MRE11: variants seen among roughly 807,000 people sequenced by gnomAD.
MRE11 encodes double-strand break repair protein MRE11.
MRE11 carries 62 observed loss-of-function variants against 91.7 expected under a neutral mutation model. The ratio of observed to expected loss-of-function variants is 0.68; its 90% CI spans 0.55 to 0.84. The LOEUF (loss-of-function observed/expected upper bound fraction) is 0.84. MRE11 is among the 40% of genes least tolerant of loss of function. The pLI, the probability that MRE11 is intolerant of heterozygous loss-of-function variation, is 0.00. For synonymous variants in MRE11, 273 were observed against 271.4 expected, an observed-to-expected ratio of 1.01 and a Z score of -0.06; for missense variants, 796 against 852.9, an observed-to-expected ratio of 0.93 and a Z score of 0.83.
At chr11:94,420,664 C>CA (rs1591622020) in intron 19 of MRE11, among the ~76,000 whole-genome samples, 3 of 152,110 alleles carry the variant, frequency 2.0e-5, no homozygotes, top group Non-Finnish European at 4.4e-5. Flanking sequence ...CACACTTATG[C>CA]AAAAAACAAC....
At chr11:94,426,504 T>A (rs1417290050) in intron 19 of MRE11, among the ~76,000 whole-genome samples, 1 of 149,476 alleles carries the variant, frequency 6.7e-6, no homozygotes. Context: ...CTGGAGGAAC[T>A]AGAAATAAAA....
rs1945120973 is a variant in MRE11 at position 94,419,831 on chromosome 11, A to G, written c.*294T>C. 3.9e-6 allele frequency: 1 copy of G among 256,570 alleles called. No homozygotes were observed. Among genetic ancestry groups the G allele is most frequent in the Non-Finnish European group, 7.5e-6 (1 of 133,192 alleles). 15.9% of individuals were successfully genotyped at this position (256,570 alleles called of 1,614,324 possible). A position where few individuals can be genotyped will look rare whatever the true frequency, so the allele number is the denominator to read the frequency against. ...TAAGCTCTTTCCCTCAACTTTGGCT[A>G]AATGTAACCATATTAAAATACTGAC... On this transcript the variant is annotated 3_prime_UTR_variant, in exon 20 of 20. Coordinates refer to ENST00000323929, the MANE Select transcript of MRE11 (RefSeq NM_005591.4).
upstream of MRE11, chr11:94,498,081 T>G (rs1160696815): frequency 6.2e-7 from 1 of 1,608,570 alleles, no homozygotes; most frequent in East Asian, 2.2e-5. Context: ...CTTACCACAG[T>G]GCGGAGACTC....
the MRE11 span, among the ~76,000 whole-genome samples, chr11:94,508,641 C>A: frequency 1.3e-5 from 2 of 152,116 alleles, no homozygotes; most frequent in Non-Finnish European, 2.9e-5. Context: ...TATCTTTGCC[C>A]CAATACCACA....
At chr11:94,511,088 A>AT in the MRE11 span, among the ~76,000 whole-genome samples, 1 of 152,244 alleles carries the variant, frequency 6.6e-6, no homozygotes, top group African/African-American at 2.4e-5. Flanking sequence ...ACTCATGTTA[A>AT]GAAAAATCTC....
chr11:94,461,094 A>T, intron 11 of MRE11, 58 bp from the exon 12 acceptor site: 1 of 1,412,110 alleles, frequency 7.1e-7, no homozygotes, highest in South Asian at 1.2e-5. Context: ...AAATGTGCAT[A>T]CTCATTGCAA....
At chr11:94,491,639 T>C (rs759916085) in intron 2 of MRE11, among the ~76,000 whole-genome samples, 2 of 152,200 alleles carry the variant, frequency 1.3e-5, no homozygotes, top group Non-Finnish European at 2.9e-5. Flanking sequence ...CATTATTATC[T>C]CTGACAAATG....
intron 16 of MRE11, among the ~76,000 whole-genome samples, chr11:94,440,875 TCTAA>T (rs1442925574): frequency 2.0e-5 from 3 of 152,208 alleles, no homozygotes; most frequent in Non-Finnish European, 4.4e-5. Context: ...GGGGAGTTCA[TCTAA>T]CTATGTGCTT....
In MRE11 at chr11:94,482,683, C is replaced by T. The variant is rs183197127; in HGVS notation, c.315-2922G>A. Among the ~76,000 whole-genome samples the T allele has an allele frequency of 3.0e-3, 463 of 152,282 alleles. 2 individuals carry two copies. Among genetic ancestry groups the T allele is most frequent in the African/African-American group, 9.5e-3 (394 of 41,562 alleles). On this transcript the variant is annotated intron_variant, in intron 4 of 19. Transcript: ENST00000323929. The stretch of plus-strand genomic sequence containing the variant: ...GTGTGGTGGCTCACGCCTATAATCT[C>T]AACACTTTCGGAGGCCAAGTCGGGA...
In MRE11 at chr11:94,429,897, T is replaced by G. The variant is rs369127675; in HGVS notation, c.2070+14A>C. On this transcript the variant is annotated intron_variant, in intron 19 of 19. Transcript: ENST00000323929. Reference sequence around the variant, plus strand: ...TTAAAAATTAATTAAAATTTAACAATATTACTTATTTACCTCACTTGATTC... The same window carrying G: ...TTAAAAATTAATTAAAATTTAACAAGATTACTTATTTACCTCACTTGATTC... 255 of 1,597,406 alleles carry G rather than the reference T, an allele frequency of 1.6e-4. No homozygotes were observed. The highest frequency in any genetic ancestry group is 2.0e-4 in the Non-Finnish European group (239 of 1,168,890).
chr11:94,422,698 G>C (rs1406220348), intron 19 of MRE11, among the ~76,000 whole-genome samples: 1 of 152,032 alleles, frequency 6.6e-6, no homozygotes, highest in African/African-American at 2.4e-5. Context: ...ATAGTTCAAA[G>C]GAAGGTTATC....
intron 3 of MRE11, among the ~76,000 whole-genome samples, chr11:94,487,784 A>G (rs1947179250): frequency 1.3e-5 from 2 of 152,244 alleles, no homozygotes; most frequent in South Asian, 4.1e-4. Context: ...AAAATGTTAG[A>G]AAACCTGGGT....
At chr11:94,503,741 C>T in the MRE11 span, among the ~76,000 whole-genome samples, 1 of 146,450 alleles carries the variant, frequency 6.8e-6, no homozygotes, top group Admixed American at 6.8e-5. Flanking sequence ...ATTTTTATAA[C>T]CTAATTTTAA....
Position 94,445,812 on chromosome 11 carries a change from T to G in MRE11, c.1865A>C (p.Asp622Ala). Residue 622 changes from aspartate (D) to alanine (A), a missense_variant and splice_region_variant, in exon 16 of 20, where the codon GAT becomes GCT. By Grantham distance (126) the Asp-to-Ala change is moderately radical. Coordinates refer to ENST00000323929, the MANE Select transcript of MRE11 (RefSeq NM_005591.4). ...AATCACTTGCAGTCTATACTCACCA[T>G]CTATAATAGACATATTTCTAGATGC... ...VSASRNMSII[D>A]AFKSTRQQPS... 22 of 1,605,158 alleles carry G rather than the reference T, an allele frequency of 1.4e-5. No individual in the cohort carries two copies. Among genetic ancestry groups the G allele is most frequent in the Non-Finnish European group, 1.9e-5 (22 of 1,171,822 alleles).
chr11:94,466,218 A>T lies in MRE11; in HGVS notation c.1098+1595T>A, dbSNP rs138426548. The stretch of plus-strand genomic sequence containing the variant: ...ATGTAGACCCCTGAATGCTAACCTA[A>T]AAAAGTTTAGACTTTTTCCTGTTAG... On this transcript the variant is annotated intron_variant, in intron 10 of 19. Transcript: ENST00000323929. Among the ~76,000 whole-genome samples, 20 of 152,348 alleles carry T rather than the reference A, an allele frequency of 1.3e-4. No homozygotes were observed. In the East Asian group the frequency reaches 3.7e-3, roughly 28 times the overall value.
At chr11:94,429,183 A>G (rs1312067472) in intron 19 of MRE11, among the ~76,000 whole-genome samples, 1 of 152,228 alleles carries the variant, frequency 6.6e-6, no homozygotes, top group African/African-American at 2.4e-5. Context: ...TAAAAAGTCA[A>G]AAGACAACAG....
chr11:94,436,047 A>C (rs773299373), intron 17 of MRE11, 148 bp from the exon 18 acceptor site: 1 of 748,042 alleles, frequency 1.3e-6, no homozygotes, highest in Non-Finnish European at 2.3e-6. Flanking sequence ...TAAAACTAAC[A>C]CTCAGTCTGA....
intron 14 of MRE11, among the ~76,000 whole-genome samples, chr11:94,449,247 T>C (rs1037706073): frequency 6.6e-6 from 1 of 152,164 alleles, no homozygotes; most frequent in Non-Finnish European, 1.5e-5. Flanking sequence ...AAATCACAGC[T>C]AACTCACTGC....
the MRE11 span, among the ~76,000 whole-genome samples, chr11:94,500,231 A>G: frequency 2.0e-5 from 3 of 152,224 alleles, no homozygotes; most frequent in Admixed American, 2.0e-4. Context: ...CCATGATTCC[A>G]TGTAAACTTT....
Sources: allele counts gnomAD v4.1 joint callset (sites outside exome capture counted in the v4.1 genomes callset), GRCh38; gene constraint gnomAD v4.1.1; transcripts MANE v1.5; gene names NCBI Gene and HGNC (gene_info 2026-07-23, HGNC 2026-07-21).